INTS15: variants seen among roughly 807,000 people sequenced by gnomAD.
The protein encoded by INTS15 is integrator complex subunit 15, also known as uncharacterized protein C7orf26.
At chr7:6,606,797 C>T in the INTS15 span, among the ~76,000 whole-genome samples, 2 of 150,958 alleles carry the variant, frequency 1.3e-5, no homozygotes, top group Non-Finnish European at 2.9e-5. Context: ...CCTTGAACTT[C>T]TGAACTCAAG....
At chr7:6,596,893 C>T in the INTS15 span, among the ~76,000 whole-genome samples, 7 of 152,092 alleles carry the variant, frequency 4.6e-5, no homozygotes, top group East Asian at 1.4e-3. Flanking sequence ...AAGCGATTCT[C>T]CTGCCTCAGC....
At chr7:6,597,969 C>T in the INTS15 span, among the ~76,000 whole-genome samples, 1 of 152,172 alleles carries the variant, frequency 6.6e-6, no homozygotes, top group African/African-American at 2.4e-5. Context: ...CTCTAGAGAC[C>T]CTAACTGGGA....
chr7:6,606,448 G>A, the INTS15 span, among the ~76,000 whole-genome samples: 1 of 152,128 alleles, frequency 6.6e-6, no homozygotes, highest in Admixed American at 6.6e-5. Context: ...AGGATAATAT[G>A]CAGGGACGGA....
At chr7:6,594,001 C>T in the INTS15 span, among the ~76,000 whole-genome samples, 60 of 68,944 alleles carry the variant, frequency 8.7e-4, no homozygotes, top group East Asian at 0.018. Flanking sequence ...AAGCCTTTAA[C>T]TTTTTTTTTT....
chr7:6,591,381 C>T, the INTS15 span, among the ~76,000 whole-genome samples: 1 of 151,524 alleles, frequency 6.6e-6, no homozygotes, highest in African/African-American at 2.4e-5. Context: ...AGATTCCTGC[C>T]TAAGCCTCCC....
chr7:6,603,283 C>A, the INTS15 span, among the ~76,000 whole-genome samples: 1 of 151,604 alleles, frequency 6.6e-6, no homozygotes, highest in Non-Finnish European at 1.5e-5. Flanking sequence ...TGTGGTGGCT[C>A]ATACCTGTAA....
chr7:6,600,479 C>A, the INTS15 span: 1 of 1,051,274 alleles, frequency 9.5e-7, no homozygotes. Context: ...TCCTAGTGAA[C>A]ACAGGGGAGG....
chr7:6,608,098 G>GGCCCCCCC, the INTS15 span: 9 of 1,311,218 alleles, frequency 6.9e-6, no homozygotes, highest in Non-Finnish European at 8.2e-6. Flanking sequence ...ACCCCGCCCT[G>GGCCCCCCC]CCCACGCATC....
chr7:6,597,185 T>C, the INTS15 span, among the ~76,000 whole-genome samples: 1 of 152,168 alleles, frequency 6.6e-6, no homozygotes, highest in African/African-American at 2.4e-5. Context: ...CCCTTCTCTC[T>C]CCTCCAAAGG....
At chr7:6,591,121 C>T in the INTS15 span, among the ~76,000 whole-genome samples, 1 of 152,080 alleles carries the variant, frequency 6.6e-6, no homozygotes, top group Non-Finnish European at 1.5e-5. Flanking sequence ...CAGGCGTGAG[C>T]CACAACGCCT....
the INTS15 span, among the ~76,000 whole-genome samples, chr7:6,605,187 C>T: frequency 4.6e-5 from 7 of 152,108 alleles, no homozygotes; most frequent in Non-Finnish European, 8.8e-5. Flanking sequence ...CAGGGTTTCG[C>T]CATGTTGGCC....
chr7:6,594,618 T>C, the INTS15 span: 13 of 1,610,624 alleles, frequency 8.1e-6, no homozygotes, highest in East Asian at 2.2e-5. Flanking sequence ...TTAAACAGGT[T>C]ATTTCTATGG....
chr7:6,599,990 G>A, the INTS15 span: 12 of 1,614,058 alleles, frequency 7.4e-6, no homozygotes, highest in East Asian at 6.7e-5. Flanking sequence ...CCGCTGGTGC[G>A]TGAAGGCACC....
chr7:6,601,761 G>GA, the INTS15 span, among the ~76,000 whole-genome samples: 1 of 151,550 alleles, frequency 6.6e-6, no homozygotes, highest in South Asian at 2.1e-4. Context: ...GGTTCAAGCA[G>GA]TTCTCCTGCC....
At chr7:6,601,704 T>G in the INTS15 span, among the ~76,000 whole-genome samples, 14 of 151,956 alleles carry the variant, frequency 9.2e-5, no homozygotes, top group African/African-American at 3.4e-4. Context: ...TTGCCCAGTC[T>G]GGAGTGCAGT....
chr7:6,601,989 G>A, the INTS15 span: 1 of 919,836 alleles, frequency 1.1e-6, no homozygotes, highest in Non-Finnish European at 1.8e-6. Context: ...CTAGGGAAAT[G>A]TAGTATGAGG....
chr7:6,602,251 A>G, the INTS15 span: 1 of 805,630 alleles, frequency 1.2e-6, no homozygotes, highest in Non-Finnish European at 2.0e-6. Context: ...CCCAGTAAGC[A>G]CATGATGATA....
chr7:6,602,951 A>C, the INTS15 span, among the ~76,000 whole-genome samples: 1 of 152,176 alleles, frequency 6.6e-6, no homozygotes, highest in Non-Finnish European at 1.5e-5. Flanking sequence ...GGATTAAATG[A>C]GTGAAAACAG....
At chr7:6,599,254 GTTC>G in the INTS15 span, among the ~76,000 whole-genome samples, 15 of 152,174 alleles carry the variant, frequency 9.9e-5, no homozygotes, top group African/African-American at 2.7e-4. Context: ...GTCACCATCT[GTTC>G]TTCTCTGTCT....
Sources: gnomAD v4.1 joint callset for allele counts (sites outside exome capture counted in the v4.1 genomes callset) on GRCh38, gnomAD v4.1.1 for gene constraint, MANE v1.5 for transcripts, NCBI Gene and HGNC (gene_info 2026-07-23, HGNC 2026-07-21) for gene names.